The following KIAA0513 variants were observed in gnomAD, a reference collection of about 807,000 sequenced individuals.
The protein encoded by KIAA0513 is uncharacterized protein KIAA0513.
KIAA0513 carries 39 observed loss-of-function variants against 56.5 expected under a neutral mutation model. The ratio of observed to expected loss-of-function variants is 0.69; its 90% confidence interval spans 0.53 to 0.90. The LOEUF (loss-of-function observed/expected upper bound fraction) is 0.90, where lower values mean the gene tolerates loss of function less well. Ranked by LOEUF, KIAA0513 falls within the 40% of genes least tolerant of loss-of-function variation. The probability of loss-of-function intolerance (pLI) is 0.00; values close to 1 mark genes in which losing one functional copy is unlikely to be tolerated. For synonymous variants in KIAA0513, 268 were observed against 215.6 expected, an observed-to-expected ratio of 1.24 and a Z score of -2.13; for missense variants, 591 against 535.2, an observed-to-expected ratio of 1.10 and a Z score of -1.03.
intron 1 of KIAA0513, among the ~76,000 whole-genome samples, chr16:85,061,625 C>T (rs1228449162): frequency 6.6e-6 from 1 of 152,218 alleles, no homozygotes; most frequent in Non-Finnish European, 1.5e-5. Flanking sequence ...GTTCCAGATT[C>T]TCCCTGCAGG....
chr16:85,084,239 C>T (rs1303600083), intron 10 of KIAA0513, among the ~76,000 whole-genome samples: 1 of 129,380 alleles, frequency 7.7e-6, no homozygotes, highest in Non-Finnish European at 1.7e-5. Context: ...TTTCTCTTTT[C>T]TTTTCTTTTT....
intron 5 of KIAA0513, among the ~76,000 whole-genome samples, chr16:85,077,209 T>C (rs529590534): frequency 6.6e-6 from 1 of 152,108 alleles, no homozygotes; most frequent in African/African-American, 2.4e-5. Context: ...GGCTTCTCAG[T>C]GCACAGCAGG....
At chr16:85,070,001 C>CAA (rs111746946) in intron 2 of KIAA0513, among the ~76,000 whole-genome samples, 1 of 143,178 alleles carries the variant, frequency 7.0e-6, no homozygotes, top group Non-Finnish European at 1.5e-5. Context: ...CCCCTCTCTA[C>CAA]AAAAAAAAAA....
chr16:85,075,777 T>C, intron 4 of KIAA0513, 67 bp from the exon 5 acceptor site: 1 of 1,419,308 alleles, frequency 7.0e-7, no homozygotes, highest in African/African-American at 1.4e-5. Context: ...CTCAGTGATG[T>C]CTGACCGACT....
chr16:85,085,322 A>AC (rs1043081931), intron 10 of KIAA0513, among the ~76,000 whole-genome samples: 1 of 152,054 alleles, frequency 6.6e-6, no homozygotes, highest in African/African-American at 2.4e-5. Context: ...ATGTCCTGTG[A>AC]CCCCTGCTAA....
At chr16:85,036,035 G>A (rs548154903) in intron 1 of KIAA0513, among the ~76,000 whole-genome samples, 19 of 150,520 alleles carry the variant, frequency 1.3e-4, no homozygotes, top group Admixed American at 9.3e-4. Flanking sequence ...AGCTGGTCTT[G>A]CACTTCTGGG....
intron 1 of KIAA0513, among the ~76,000 whole-genome samples, chr16:85,035,421 G>A (rs1286140780): frequency 1.3e-5 from 2 of 152,230 alleles, no homozygotes; most frequent in Non-Finnish European, 2.9e-5. Flanking sequence ...GTAAAAGGAA[G>A]GCTTTAACCT....
At chr16:85,063,450 G>C (rs1424819618) in intron 1 of KIAA0513, 1 of 152,218 alleles carries the variant, frequency 6.6e-6, no homozygotes, top group African/African-American at 2.4e-5. Flanking sequence ...GTTTTTAGTA[G>C]AGACAGGGTT....
intron 6 of KIAA0513, 84 bp from the exon 7 acceptor site, chr16:85,078,330 AC>A: frequency 6.9e-7 from 1 of 1,459,002 alleles, no homozygotes; most frequent in Non-Finnish European, 9.6e-7. Flanking sequence ...ACCCAGTCCC[AC>A]CTTAGAAGTG....
At chr16:85,038,752 T>C (rs1159185214) in intron 1 of KIAA0513, among the ~76,000 whole-genome samples, 1 of 150,964 alleles carries the variant, frequency 6.6e-6, no homozygotes, top group Non-Finnish European at 1.5e-5. Context: ...TGTTGATAGA[T>C]TCTATTTAAC....
At chr16:85,049,894 A>G (rs1185035039) in intron 1 of KIAA0513, among the ~76,000 whole-genome samples, 3 of 152,216 alleles carry the variant, frequency 2.0e-5, no homozygotes, top group South Asian at 2.1e-4. Flanking sequence ...GGCTGTCTCC[A>G]TGCCAAGGGG....
intron 1 of KIAA0513, chr16:85,063,207 CG>C (rs2073430006): frequency 6.6e-6 from 1 of 152,216 alleles, no homozygotes; most frequent in Non-Finnish European, 1.5e-5. Context: ...AGCATCTGAA[CG>C]GCCCAAGAGT....
chr16:85,046,419 A>G (rs1225322071), intron 1 of KIAA0513, among the ~76,000 whole-genome samples: 3 of 152,164 alleles, frequency 2.0e-5, no homozygotes, highest in African/African-American at 4.8e-5. Context: ...CTCCTTTCCC[A>G]CATAACCTGA....
In KIAA0513 at chr16:85,082,492, C is replaced by T. The variant is rs2073757487; in HGVS notation, c.981-72C>T. ...GTAATAACCCTCCTCTGCTTGTTCTCTTTTTACCATCCACATATCTTGCAT... is the reference window on the plus strand; with the variant it reads ...GTAATAACCCTCCTCTGCTTGTTCTTTTTTTACCATCCACATATCTTGCAT... On this transcript the variant is annotated intron_variant, in intron 9 of 12. Transcript: ENST00000683363. 3.3e-6 allele frequency: 5 copies of T among 1,496,862 alleles called. No homozygotes were observed. In the Admixed American group the frequency reaches 5.1e-5, roughly 15 times the overall value. 92.7% of individuals were successfully genotyped at this position (1,496,862 alleles called of 1,614,324 possible). A position where few individuals can be genotyped will look rare whatever the true frequency, so the allele number is the denominator to read the frequency against.
At chr16:85,082,391 T>C (rs1204523530) in intron 9 of KIAA0513, among the ~76,000 whole-genome samples, 173 bp from the exon 10 acceptor site, 1 of 152,096 alleles carries the variant, frequency 6.6e-6, no homozygotes, top group African/African-American at 2.4e-5. Flanking sequence ...GCGTTGCCTC[T>C]TTAGTTCTCA....
chr16:85,082,358 C>G (rs567835198), intron 9 of KIAA0513, among the ~76,000 whole-genome samples: 1 of 152,108 alleles, frequency 6.6e-6, no homozygotes, highest in East Asian at 1.9e-4. Context: ...CAGGGACATG[C>G]TCAGATGCCC....
chr16:85,086,954 T>TA (rs1483514659), intron 11 of KIAA0513, 118 bp from the exon 12 acceptor site: 1 of 1,000,656 alleles, frequency 1.0e-6, no homozygotes, highest in Non-Finnish European at 1.5e-6. Context: ...CAGTGCGTTT[T>TA]AGTTTCTGCT....
chr16:85,090,524 CTT>C lies in KIAA0513; in HGVS notation c.*2201_*2202del, dbSNP rs2073857229. On this transcript the variant is annotated 3_prime_UTR_variant, in exon 13 of 13. Transcript: ENST00000683363. Reference sequence around the variant, plus strand: ...ACTTCGTTGGGCTTTTTTCCAAGCACTTTAACTTCAGAAATGGTCTTGACACT... The same window carrying C: ...ACTTCGTTGGGCTTTTTTCCAAGCACTAACTTCAGAAATGGTCTTGACACT... 1.3e-5 allele frequency: 2 copies of C among 152,206 alleles called. No individual in the cohort carries two copies. The highest frequency in any genetic ancestry group is 4.8e-5 in the African/African-American group (2 of 41,458). 9.4% of individuals were successfully genotyped at this position (152,206 alleles called of 1,614,324 possible).
intron 8 of KIAA0513, chr16:85,079,618 G>C (rs1475374121): frequency 6.6e-6 from 1 of 152,584 alleles, no homozygotes; most frequent in East Asian, 1.9e-4. Context: ...GCAGATGACA[G>C]ATTGCCCGGG....
Sources: gnomAD v4.1 joint callset for allele counts (sites outside exome capture counted in the v4.1 genomes callset) on GRCh38, gnomAD v4.1.1 for gene constraint, MANE v1.5 for transcripts, NCBI Gene and HGNC (gene_info 2026-07-23, HGNC 2026-07-21) for gene names.